CNTN5: variants seen among roughly 807,000 people sequenced by gnomAD.
CNTN5 encodes contactin-5.
Under a neutral mutation model 129.1 loss-of-function variants are expected in CNTN5, and 77 were observed. That is an observed-to-expected ratio of 0.60 (90% CI 0.50 to 0.72). The LOEUF is 0.72. Among genes scored for constraint, CNTN5 ranks in the 30% least tolerant of loss-of-function variants. The pLI is 0.00. For synonymous variants in CNTN5, 509 were observed against 465.6 expected, an observed-to-expected ratio of 1.09 and a Z score of -1.20; for missense variants, 1,478 against 1,328.8, an observed-to-expected ratio of 1.11 and a Z score of -1.75.
chr11:99,720,494 T>C (rs1170913992), intron 3 of CNTN5, among the ~76,000 whole-genome samples: 2 of 152,078 alleles, frequency 1.3e-5, no homozygotes, highest in African/African-American at 4.8e-5. Context: ...AAACTAGGTA[T>C]TGAAAGAACG....
At chr11:99,752,777 A>G (rs1449816114) in intron 3 of CNTN5, among the ~76,000 whole-genome samples, 3 of 152,232 alleles carry the variant, frequency 2.0e-5, no homozygotes, top group African/African-American at 7.2e-5. Flanking sequence ...GAAAAGCATT[A>G]TCCGGTAGAA....
intron 2 of CNTN5, among the ~76,000 whole-genome samples, chr11:99,432,478 T>TTCTTGTCTTG (rs1349044594): frequency 8.6e-5 from 12 of 139,704 alleles, no homozygotes; most frequent in Admixed American, 6.3e-4. Flanking sequence ...TTCTTTTCTT[T>TTCTTGTCTTG]TCTTTTCTTT....
chr11:99,708,409 C>G (rs933706918), intron 3 of CNTN5, among the ~76,000 whole-genome samples: 2 of 151,602 alleles, frequency 1.3e-5, no homozygotes, highest in Non-Finnish European at 2.9e-5. Flanking sequence ...ACATTCATAC[C>G]ACTTTGTAAT....
At chr11:99,777,260 G>A (rs1300149131) in intron 3 of CNTN5, among the ~76,000 whole-genome samples, 4 of 151,716 alleles carry the variant, frequency 2.6e-5, no homozygotes, top group African/African-American at 7.3e-5. Context: ...TTAAAATAGC[G>A]CAATGACATG....
chr11:99,574,006 T>G (rs771359451), intron 3 of CNTN5, among the ~76,000 whole-genome samples: 1 of 152,120 alleles, frequency 6.6e-6, no homozygotes, highest in Non-Finnish European at 1.5e-5. Context: ...GCTGCACCCA[T>G]CAACCCGTCA....
At chr11:99,746,505 G>T (rs934809648) in intron 3 of CNTN5, among the ~76,000 whole-genome samples, 1 of 152,192 alleles carries the variant, frequency 6.6e-6, no homozygotes, top group African/African-American at 2.4e-5. Flanking sequence ...ACAGCAGGAG[G>T]TGAGCAGCAG....
chr11:99,309,167 G>A (rs1864996644), intron 1 of CNTN5, among the ~76,000 whole-genome samples: 1 of 143,156 alleles, frequency 7.0e-6, no homozygotes, highest in Admixed American at 6.7e-5. Context: ...ATTAATATCA[G>A]TCACTTTTTC....
At chr11:100,262,180 C>T (rs1368481564) in intron 17 of CNTN5, among the ~76,000 whole-genome samples, 1 of 151,938 alleles carries the variant, frequency 6.6e-6, no homozygotes, top group African/African-American at 2.4e-5. Flanking sequence ...ATGCAGCCAA[C>T]AAATGTATGA....
intron 1 of CNTN5, among the ~76,000 whole-genome samples, chr11:99,106,481 T>G (rs1014527344): frequency 2.6e-5 from 4 of 152,056 alleles, no homozygotes; most frequent in Non-Finnish European, 5.9e-5. Context: ...TTGGAGAATA[T>G]TAAATGGAAT....
At chr11:99,099,178 A>G (rs972419795) in intron 1 of CNTN5, among the ~76,000 whole-genome samples, 15 of 152,160 alleles carry the variant, frequency 9.9e-5, no homozygotes, top group African/African-American at 3.1e-4. Context: ...GGAGTTTGTT[A>G]TGAGTAGGCA....
At chr11:99,587,709 AT>A (rs75104268) in intron 3 of CNTN5, among the ~76,000 whole-genome samples, 16 of 152,072 alleles carry the variant, frequency 1.1e-4, no homozygotes, top group African/African-American at 3.6e-4. Context: ...ATTGCTGAGA[AT>A]TTTTTTAAAA....
At chr11:99,518,358 A>G (rs1174034030) in intron 2 of CNTN5, among the ~76,000 whole-genome samples, 1 of 152,106 alleles carries the variant, frequency 6.6e-6, no homozygotes, top group Non-Finnish European at 1.5e-5. Flanking sequence ...AACCGATAAA[A>G]CAGAGCAAGT....
chr11:100,205,476 CA>C (rs1384641873), intron 15 of CNTN5, among the ~76,000 whole-genome samples: 2 of 151,958 alleles, frequency 1.3e-5, no homozygotes, highest in Non-Finnish European at 2.9e-5. Context: ...TTCCTTTTTC[CA>C]TCTGGTATCC....
At chr11:99,492,210 C>T (rs752865456) in intron 2 of CNTN5, among the ~76,000 whole-genome samples, 50 of 152,036 alleles carry the variant, frequency 3.3e-4, no homozygotes, top group Non-Finnish European at 6.3e-4. Flanking sequence ...ATTTATGTGA[C>T]GGGTCATGTT....
chr11:99,634,219 T>C (rs612614), intron 3 of CNTN5, among the ~76,000 whole-genome samples: 91,690 of 151,990 alleles, frequency 0.6, 28,490 homozygotes, highest in Admixed American at 0.69. Flanking sequence ...CTACACTTCA[T>C]GGGTATTTAA....
chr11:99,296,873 G>T (rs916627526), intron 1 of CNTN5, among the ~76,000 whole-genome samples: 1 of 152,144 alleles, frequency 6.6e-6, no homozygotes, highest in Non-Finnish European at 1.5e-5. Context: ...TAACCTCCCA[G>T]GTGCCCAGAG....
rs147828533 is a variant in CNTN5, at chr11:99,555,205, C to T, written c.-70-940C>T. Among the ~76,000 whole-genome samples, 481 of 151,988 alleles carry T rather than the reference C, an allele frequency of 3.2e-3. 2 individuals are homozygous for T. Among genetic ancestry groups the T allele is most frequent in the African/African-American group, 0.011 (471 of 41,494 alleles). The stretch of plus-strand genomic sequence containing the variant: ...GATGTTTCCTAAAATATAGAGATAA[C>T]CTAGACTTCTAATTTCATAAGGAGG... On this transcript the variant is annotated intron_variant, in intron 2 of 24. Coordinates refer to ENST00000524871, the MANE Select transcript of CNTN5 (RefSeq NM_014361.4).
chr11:99,972,592 C>T (rs1951294596), intron 8 of CNTN5, among the ~76,000 whole-genome samples: 1 of 152,136 alleles, frequency 6.6e-6, no homozygotes. Context: ...AGCTAGCAGA[C>T]TATGCAATGT....
intron 3 of CNTN5, among the ~76,000 whole-genome samples, chr11:99,628,212 A>G (rs1054594600): frequency 6.7e-6 from 1 of 150,128 alleles, no homozygotes; most frequent in African/African-American, 2.5e-5. Context: ...CAATGTAACT[A>G]GGAAACTTAG....
Sources: gnomAD v4.1 joint callset for allele counts (sites outside exome capture counted in the v4.1 genomes callset) on GRCh38, gnomAD v4.1.1 for gene constraint, MANE v1.5 for transcripts, NCBI Gene and HGNC (gene_info 2026-07-23, HGNC 2026-07-21) for gene names.